ALG1: variants seen among roughly 807,000 people sequenced by gnomAD.
ALG1 encodes chitobiosyldiphosphodolichol beta-mannosyltransferase.
Under a neutral mutation model 55.1 loss-of-function variants are expected in ALG1, and 58 were observed. The observed-to-expected ratio is 1.05, with a 90% CI of 0.85 to 1.31. The LOEUF (loss-of-function observed/expected upper bound fraction) is 1.31. ALG1 is among the 50% of genes most tolerant of loss of function. The pLI is 0.00. For missense variants in ALG1, 761 were observed against 598.6 expected, an observed-to-expected ratio of 1.27 and a Z score of -2.83; for synonymous variants, 309 against 247.0, an observed-to-expected ratio of 1.25 and a Z score of -2.35.
chr16:5,078,836 C>T lies in ALG1; in HGVS notation c.820C>T (p.Arg274Cys), dbSNP rs201867255. ...DAGSGLVTRL[R>C]ERPALLVSST... ...TGGGAGCGGGCTGGTGACGCGTCTC[C>T]GTGAGCGGCCAGCCCTGCTGGTCAG... is the stretch of plus-strand genomic sequence containing the variant. Residue 274 changes from arginine to cysteine, a missense_variant, in exon 7 of 13, where the codon CGT (arginine) becomes TGT (cysteine). Transcript: ENST00000262374. 33 of 1,611,952 alleles carry T rather than the reference C, an allele frequency of 2.0e-5. No individual in the cohort carries two copies. The highest frequency in any genetic ancestry group is 3.3e-5 in the South Asian group (3 of 90,988).
In ALG1 at chr16:5,073,036, G is replaced by A. The variant is rs375987369; in HGVS notation, c.286+8G>A. On this transcript the variant is annotated splice_region_variant and intron_variant, in intron 2 of 12. Transcript: ENST00000262374. ...AACTTCAGAGTCTTGCAGGTAGGAT[G>A]CCGTCAACTCCAGAATCCTCTGAAT... 15 of 1,613,970 alleles carry A rather than the reference G, an allele frequency of 9.3e-6. No individual in the cohort carries two copies. Among genetic ancestry groups the A allele is most frequent in the Non-Finnish European group, 1.3e-5 (15 of 1,179,824 alleles).
intron 9 of ALG1, among the ~76,000 whole-genome samples, chr16:5,080,572 C>T (rs1460558098): frequency 2.0e-5 from 3 of 152,180 alleles, no homozygotes; most frequent in Non-Finnish European, 4.4e-5. Context: ...GTTTGGAACC[C>T]GCGCCATATG....
rs1345416534 is a variant in ALG1 at position 5,086,110 on chromosome 16, C to T, written c.*1229C>T. ...CAACACTTTGGGAGGCCAAGGCGGG[C>T]GGATCACTTGAGGTCAGGAGTTCGA... On this transcript the variant is annotated 3_prime_UTR_variant, in exon 13 of 13. Transcript: ENST00000262374. Among the ~76,000 whole-genome samples the T allele has an allele frequency of 2.0e-5, 3 of 152,094 alleles. No individual in the cohort carries two copies. The highest frequency in any genetic ancestry group is 2.9e-5 in the Non-Finnish European group (2 of 68,018).
At chr16:5,072,126 G>C (rs1956827678) in intron 1 of ALG1, 69 bp downstream of exon 1, 1 of 1,549,112 alleles carries the variant, frequency 6.5e-7, no homozygotes, top group Non-Finnish European at 8.7e-7. Context: ...AACCGCCCCG[G>C]GGAGTCGAGG....
rs1291495506 is a variant in ALG1 at position 5,079,800 on chromosome 16, G to C, written c.954G>C (p.Val318=). 2 of 1,611,666 alleles carry C rather than the reference G, an allele frequency of 1.2e-6. No individual in the cohort carries two copies. Among genetic ancestry groups the C allele is most frequent in the African/African-American group, 2.7e-5 (2 of 74,842 alleles). ...ACAACCTTCCTTCTCTCGTCTGTGT[G>C]ATAACAGGTACTGCCTGGGACCCTG... ...DGHNLPSLVC[V]ITGKGPLREY... The change falls in exon 9 of 13, where the codon GTG becomes GTC. Residue 318 remains valine, a synonymous_variant. Transcript: ENST00000262374.
rs1379291424 is a variant in ALG1 at position 5,071,877 on chromosome 16, G to C, written c.28G>C (p.Ala10Pro). The C allele has an allele frequency of 1.2e-6, 2 of 1,604,562 alleles. No individual in the cohort carries two copies. The highest frequency in any genetic ancestry group is 1.7e-6 in the Non-Finnish European group (2 of 1,177,850). MAASCLVLLALCLLLPLLLL... is the reference protein window; with the variant it reads MAASCLVLLPLCLLLPLLLL... The stretch of plus-strand genomic sequence containing the variant: ...GGCGGCCTCATGCTTGGTCCTGCTG[G>C]CGCTGTGTCTGCTGCTGCCGCTGCT... Residue 10 changes from alanine to proline, a missense_variant, in exon 1 of 13, where the codon GCG (alanine) becomes CCG (proline). Transcript: ENST00000262374.
At chr16:5,072,172 T>C (rs2142699389) in intron 1 of ALG1, 115 bp downstream of exon 1, 1 of 1,514,746 alleles carries the variant, frequency 6.6e-7, no homozygotes, top group Non-Finnish European at 8.8e-7. Flanking sequence ...TTTGGGCAGC[T>C]CTCCGAGATT....
intron 3 of ALG1, among the ~76,000 whole-genome samples, chr16:5,073,933 T>G (rs1248659932): frequency 6.6e-6 from 1 of 152,226 alleles, no homozygotes; most frequent in African/African-American, 2.4e-5. Flanking sequence ...CAGGCTGTTC[T>G]CGAACTCCTG....
intron 4 of ALG1, among the ~76,000 whole-genome samples, 166 bp from the exon 5 acceptor site, chr16:5,077,279 G>A (rs1956929873): frequency 1.3e-5 from 2 of 152,170 alleles, no homozygotes; most frequent in Non-Finnish European, 2.9e-5. Flanking sequence ...ACAACATAAA[G>A]GAGGGTATAT....
At chr16:5,075,600 G>C (rs1452364573) in intron 4 of ALG1, 64 bp downstream of exon 4, 20 of 1,596,662 alleles carry the variant, frequency 1.3e-5, no homozygotes, top group Non-Finnish European at 1.6e-5. Flanking sequence ...GTGAGAAGAA[G>C]GGCCATAGTG....
intron 6 of ALG1, chr16:5,078,300 A>G: frequency 1.5e-6 from 1 of 646,772 alleles, no homozygotes; most frequent in South Asian, 1.5e-5. Context: ...CCTTTAAGAA[A>G]TGTTTGTGGA....
intron 1 of ALG1, among the ~76,000 whole-genome samples, chr16:5,072,495 G>T (rs1002961613): frequency 2.6e-5 from 4 of 152,174 alleles, no homozygotes; most frequent in Admixed American, 2.6e-4. Context: ...CAGGGCAGCG[G>T]TGTCTGCTCC....
At chr16:5,080,764 C>T (rs1347643576) in intron 9 of ALG1, among the ~76,000 whole-genome samples, 182 bp from the exon 10 acceptor site, 1 of 152,228 alleles carries the variant, frequency 6.6e-6, no homozygotes, top group Admixed American at 6.5e-5. Flanking sequence ...GGTGCACACA[C>T]CCCTGCAGGT....
chr16:5,077,511 C>A lies in ALG1; in HGVS notation c.606C>A (p.Asp202Glu), dbSNP rs769901957. Reference sequence around the variant, plus strand: ...GTGTTACCAATGCTATGCGAGAAGACCTGGCGGATAACTGGCACATCAGGT... The same window carrying A: ...GTGTTACCAATGCTATGCGAGAAGAACTGGCGGATAACTGGCACATCAGGT... The part of the protein sequence containing the change: ...NLCVTNAMRE[D>E]LADNWHIRAV... Residue 202 changes from aspartate (D) to glutamate (E), a missense_variant, in exon 5 of 13, where the codon GAC (aspartate) becomes GAA (glutamate). Coordinates refer to ENST00000262374, the MANE Select transcript of ALG1 (RefSeq NM_019109.5). 1.3e-5 allele frequency: 21 copies of A among 1,614,066 alleles called. No homozygotes were observed. The highest frequency in any genetic ancestry group is 7.6e-6 in the Non-Finnish European group (9 of 1,180,040).
chr16:5,079,712 A>T, intron 8 of ALG1, 36 bp from the exon 9 acceptor site: 2 of 1,609,246 alleles, frequency 1.2e-6, no homozygotes, highest in East Asian at 4.5e-5. Context: ...TTCTATCAGA[A>T]ATTCCATGTA....
intron 1 of ALG1, 21 bp from the exon 2 acceptor site, chr16:5,072,930 G>T: frequency 2.5e-6 from 4 of 1,607,332 alleles, no homozygotes; most frequent in Non-Finnish European, 3.4e-6. Flanking sequence ...GTACATTAAA[G>T]GGATCATTCT....
chr16:5,080,749 G>T (rs1378386517), intron 9 of ALG1, among the ~76,000 whole-genome samples, 197 bp from the exon 10 acceptor site: 4 of 152,266 alleles, frequency 2.6e-5, no homozygotes, highest in Non-Finnish European at 5.9e-5. Flanking sequence ...TGCGTCAGGG[G>T]TCAGGGTGCA....
chr16:5,073,407 T>A lies in ALG1; in HGVS notation c.390+151T>A. The A allele has an allele frequency of 4.3e-6, 3 of 701,372 alleles. No individual in the cohort carries two copies. In the South Asian group the frequency reaches 4.7e-5, roughly 11 times the overall value. The allele number at this position is 701,372 out of a possible 1,614,324, so 43.4% of individuals were successfully genotyped here. ...GTAGGAGCCTATGGTATGTGTCTATTTATGGCACCTATCCATGCTCTCTGT... is the reference window on the plus strand; with the variant it reads ...GTAGGAGCCTATGGTATGTGTCTATATATGGCACCTATCCATGCTCTCTGT... On this transcript the variant is annotated intron_variant, in intron 3 of 12. Transcript: ENST00000262374.
chr16:5,072,848 CT>C, intron 1 of ALG1, 102 bp from the exon 2 acceptor site: 1 of 1,101,968 alleles, frequency 9.1e-7, no homozygotes, highest in Non-Finnish European at 1.4e-6. Context: ...TTTGAAATAT[CT>C]TACTTTCCAA....
Sources: allele counts gnomAD v4.1 joint callset (sites outside exome capture counted in the v4.1 genomes callset), GRCh38; gene constraint gnomAD v4.1.1; transcripts MANE v1.5; gene names NCBI Gene and HGNC (gene_info 2026-07-23, HGNC 2026-07-21).